Variants in MIA3 observed in about 807,000 individuals in gnomAD.
MIA3 encodes transport and Golgi organization protein 1 homolog.
MIA3 carries 90 observed loss-of-function variants against 192.4 expected under a neutral mutation model. The observed-to-expected ratio is 0.47, with a 90% confidence interval of 0.39 to 0.56. MIA3 has a LOEUF of 0.56. Among genes scored for constraint, MIA3 ranks in the 20% least tolerant of loss-of-function variants. The pLI, the probability that MIA3 is intolerant of heterozygous loss-of-function variation, is 0.00. For missense variants in MIA3, 2,123 were observed against 2,269.4 expected, an observed-to-expected ratio of 0.94 and a Z score of 1.31; for synonymous variants, 740 against 792.8, an observed-to-expected ratio of 0.93 and a Z score of 1.12.
chr1:222,646,330 G>A (rs1002507068), intron 7 of MIA3, among the ~76,000 whole-genome samples: 4 of 151,446 alleles, frequency 2.6e-5, no homozygotes, highest in Non-Finnish European at 2.9e-5. Context: ...GCAGAGAATC[G>A]CTTGAACCTG....
Position 222,665,354 on chromosome 1 carries a change from G to C in MIA3, c.5459G>C (p.Gly1820Ala). 1.2e-6 allele frequency: 2 copies of C among 1,613,786 alleles called. No homozygotes were observed. The highest frequency in any genetic ancestry group is 1.1e-5 in the South Asian group (1 of 91,060). The stretch of plus-strand genomic sequence containing the variant: ...CTAGGCTTAAGAGAATTTGCACCAG[G>C]CGTTCCACCAGGAAGACGGGACCTG... The part of the protein sequence containing the change: ...PPLGLREFAP[G>A]VPPGRRDLPL... Residue 1820 changes from glycine (G) to alanine (A), a missense_variant, in exon 28 of 28, where the codon GGC (glycine) becomes GCC (alanine). Physicochemically the swap from Gly to Ala is moderately conservative, Grantham distance 60 (BLOSUM62 0). Coordinates refer to ENST00000344922, the MANE Select transcript of MIA3 (RefSeq NM_198551.4).
chr1:222,620,945 C>T (rs994460945), intron 1 of MIA3, among the ~76,000 whole-genome samples: 1 of 152,162 alleles, frequency 6.6e-6, no homozygotes, highest in African/African-American at 2.4e-5. Flanking sequence ...AGAAGGTTTT[C>T]CTTTCCCTTG....
intron 3 of MIA3, among the ~76,000 whole-genome samples, chr1:222,625,649 G>A (rs981005300): frequency 1.3e-5 from 2 of 152,178 alleles, no homozygotes; most frequent in African/African-American, 2.4e-5. Context: ...TCTGTAAGGC[G>A]CTAACTACAC....
Position 222,664,013 on chromosome 1 carries a change from A to G in MIA3, c.5278A>G (p.Lys1760Glu). Residue 1760 changes from lysine (K) to glutamate (E), a missense_variant, in exon 27 of 28, where the codon AAA becomes GAA. Around this residue, in one of 3 missense-constraint regions of MIA3, gnomAD observed 762 missense variants for 856.4 expected, o/e 0.89. Transcript: ENST00000344922. ...LDEGKVNMAP[K>E]GPPPFPGVPL... is the part of the protein sequence containing the mutation. Reference sequence around the variant, plus strand: ...TACTCTGCAGGTTAATATGGCTCCAAAAGGGCCCCCTCCTTTCCCAGGAGT... The same window carrying G: ...TACTCTGCAGGTTAATATGGCTCCAGAAGGGCCCCCTCCTTTCCCAGGAGT... 6.2e-7 allele frequency: 1 copy of G among 1,613,612 alleles called. No homozygotes were observed. The highest frequency in any genetic ancestry group is 8.5e-7 in the Non-Finnish European group (1 of 1,179,762).
At chr1:222,639,621 T>G (rs910683762) in intron 6 of MIA3, among the ~76,000 whole-genome samples, 5 of 152,128 alleles carry the variant, frequency 3.3e-5, no homozygotes, top group Admixed American at 2.6e-4. Context: ...ATGACAAACT[T>G]TAAAAAGACA....
intron 4 of MIA3, 117 bp from the exon 5 acceptor site, chr1:222,632,048 C>A: frequency 2.6e-6 from 2 of 778,010 alleles, no homozygotes; most frequent in South Asian, 2.1e-5. Context: ...CAGTTGTGCT[C>A]CATGGGATGC....
rs372504701 is a variant in MIA3, at chr1:222,633,356, C to G, written c.3477+107C>G. On this transcript the variant is annotated intron_variant, in intron 6 of 27. Transcript: ENST00000344922. The stretch of plus-strand genomic sequence containing the variant: ...TTAAAATGTCTTTATGAACCTGACT[C>G]CTGATCCTTTGAAGAGAGACCCTGA... The G allele has an allele frequency of 8.3e-4, 781 of 943,438 alleles. 14 individuals carry two copies. In the South Asian group the frequency reaches 0.013, roughly 15 times the overall value. The allele number at this position is 943,438 out of a possible 1,614,324, so 58.4% of individuals were successfully genotyped here.
At chr1:222,633,946 G>A (rs1461044146) in intron 6 of MIA3, among the ~76,000 whole-genome samples, 1 of 151,834 alleles carries the variant, frequency 6.6e-6, no homozygotes, top group African/African-American at 2.4e-5. Context: ...TGCCTCCTGG[G>A]CTCAGGCGAT....
intron 8 of MIA3, chr1:222,649,863 G>A (rs1663331316): frequency 5.3e-6 from 1 of 189,892 alleles, no homozygotes; most frequent in Non-Finnish European, 1.1e-5. Context: ...CTGCTTCTGA[G>A]GAGGCCTCAG....
At chr1:222,660,764 A>G in intron 24 of MIA3, 1 of 166,052 alleles carries the variant, frequency 6.0e-6, no homozygotes, top group Non-Finnish European at 1.3e-5. Flanking sequence ...AGAAAAATTT[A>G]TGTATGTCGT....
At chr1:222,641,466 G>A (rs1287486962) in intron 6 of MIA3, 3 of 498,154 alleles carry the variant, frequency 6.0e-6, no homozygotes, top group Admixed American at 2.1e-5. Flanking sequence ...CTGCTGAATC[G>A]TCTGGCTCAT....
intron 26 of MIA3, chr1:222,662,598 C>A: frequency 1.3e-6 from 1 of 799,668 alleles, no homozygotes; most frequent in Non-Finnish European, 1.7e-6. Context: ...TACTTTTATC[C>A]TTGACTTGGG....
intron 6 of MIA3, chr1:222,644,262 C>T (rs952044273): frequency 1.1e-4 from 153 of 1,374,930 alleles, no homozygotes; most frequent in Middle Eastern, 2.8e-4. Context: ...CGCCGGCCGG[C>T]TCCTTTGGTG....
Position 222,648,811 on chromosome 1 carries a change from T to G in MIA3, c.3610-18T>G. 2.2e-6 allele frequency: 3 copies of G among 1,334,924 alleles called. No homozygotes were observed. The highest frequency in any genetic ancestry group is 3.2e-6 in the Non-Finnish European group (3 of 936,778). 82.7% of individuals were successfully genotyped at this position (1,334,924 alleles called of 1,614,324 possible). A position where few individuals can be genotyped will look rare whatever the true frequency, so the allele number is the denominator to read the frequency against. On this transcript the variant is annotated intron_variant, in intron 7 of 27. Coordinates refer to ENST00000344922, the MANE Select transcript of MIA3 (RefSeq NM_198551.4). ...TAAAATGTTTGACATCAAATTTAAT[T>G]TTATTTCTCTTTTCTAGGTGAAGGA... is the stretch of plus-strand genomic sequence containing the variant.
At chr1:222,644,189 G>C in intron 6 of MIA3, 3 of 818,400 alleles carry the variant, frequency 3.7e-6, no homozygotes, top group Non-Finnish European at 5.1e-6. Context: ...TTCCGCTCTA[G>C]CCCTATTCGC....
chr1:222,618,302 C>T (rs1661699588), intron 1 of MIA3, 59 bp downstream of exon 1: 1 of 1,283,754 alleles, frequency 7.8e-7, no homozygotes, highest in Non-Finnish European at 9.9e-7. Flanking sequence ...TCTCCGCCGG[C>T]CCCGGGGGTC....
chr1:222,622,594 C>T (rs545562175), intron 2 of MIA3, among the ~76,000 whole-genome samples: 1 of 152,336 alleles, frequency 6.6e-6, no homozygotes, highest in Non-Finnish European at 1.5e-5. Context: ...ATTTAGAGAG[C>T]ATCCCAAGTG....
chr1:222,628,045 G>A lies in MIA3; in HGVS notation c.825G>A (p.Leu275=), dbSNP rs764682222. The A allele has an allele frequency of 1.9e-6, 3 of 1,614,120 alleles. No homozygotes were observed. Among genetic ancestry groups the A allele is most frequent in the Non-Finnish European group, 2.5e-6 (3 of 1,180,014 alleles). The stretch of plus-strand genomic sequence containing the variant: ...TGAAAAAAGAAATGACTCTAGACTT[G>A]AAAACCAAATTTGGCTCAACAGCTG... ...KLLKKEMTLD[L]KTKFGSTADA... is the part of the protein sequence containing the mutation. The change falls in exon 4 of 28, where the codon TTG becomes TTA. Residue 275 remains leucine (L), a synonymous_variant. Transcript: ENST00000344922.
chr1:222,621,711 A>G (rs1558169533), intron 2 of MIA3, among the ~76,000 whole-genome samples: 1 of 152,148 alleles, frequency 6.6e-6, no homozygotes, highest in Non-Finnish European at 1.5e-5. Flanking sequence ...ATTATTATTT[A>G]TGAAAAAGTG....
Sources: allele counts gnomAD v4.1 joint callset (sites outside exome capture counted in the v4.1 genomes callset), GRCh38; gene constraint gnomAD v4.1.1; regional missense constraint gnomAD v4.1.1; transcripts MANE v1.5; gene names NCBI Gene and HGNC (gene_info 2026-07-23, HGNC 2026-07-21).